The following DMD variants were observed in gnomAD, a reference collection of about 807,000 sequenced individuals.
DMD encodes mutant dystrophin.
In DMD, 63 loss-of-function variants were observed where a neutral mutation model predicts 330.1. That is an observed-to-expected ratio of 0.19 (90% CI 0.16 to 0.24). DMD has a LOEUF of 0.24. DMD is among the 10% of genes least tolerant of loss of function. DMD has a pLI of 1.00. For missense variants in DMD, 3,344 were observed against 2,684.1 expected, an observed-to-expected ratio of 1.25 and a Z score of -5.43; for synonymous variants, 1,223 against 959.8, an observed-to-expected ratio of 1.27 and a Z score of -5.07.
intron 55 of DMD, among the ~76,000 whole-genome samples, chrX:31,531,553 T>C (rs1428800372): frequency 1.1e-5 from 1 of 87,100 alleles, no homozygotes; most frequent in East Asian, 3.7e-4. Context: ...TTTGTTTGAG[T>C]TCATTGTAGA....
At position 31,329,582 on chromosome X, in the gene DMD, C is replaced by T. The variant is rs2056981012; in HGVS notation, c.9164-5924G>A. Among the ~76,000 whole-genome samples, 3 of 111,645 alleles carry T rather than the reference C, an allele frequency of 2.7e-5. No individual in the cohort carries two copies. The Admixed American group carries it at 2.8e-4, about 11-fold the overall frequency. On this transcript the variant is annotated intron_variant, in intron 61 of 78. Transcript: ENST00000357033. Reference sequence around the variant, plus strand: ...GTTATTCAATGAGTATAAAGTTTCACTTATGCAAGATGAGTAAGTTCTAGA... The same window carrying T: ...GTTATTCAATGAGTATAAAGTTTCATTTATGCAAGATGAGTAAGTTCTAGA...
At chrX:31,589,715 C>T (rs1433292437) in intron 55 of DMD, among the ~76,000 whole-genome samples, 1 of 111,159 alleles carries the variant, frequency 9.0e-6, no homozygotes, top group Non-Finnish European at 1.9e-5. Context: ...ATAGTACCGG[C>T]TATATTTGCC....
At chrX:33,001,492 C>T (rs7886739) in intron 2 of DMD, among the ~76,000 whole-genome samples, 18,155 of 111,039 alleles carry the variant, frequency 0.16, 2,065 homozygotes, top group African/African-American at 0.4. Context: ...GAAAAACACT[C>T]ATGAACCATC....
intron 7 of DMD, among the ~76,000 whole-genome samples, chrX:32,800,781 T>A (rs988719388): frequency 6.3e-5 from 7 of 110,743 alleles, no homozygotes; most frequent in Admixed American, 5.8e-4. Flanking sequence ...CTCCGATTTA[T>A]GAGTGAGAAC....
At position 31,843,317 on chromosome X, in the gene DMD, A is replaced by C. The variant is rs183791089; in HGVS notation, c.7099-6498T>G. Among the ~76,000 whole-genome samples, 227 of 111,986 alleles carry C rather than the reference A, an allele frequency of 2.0e-3. 1 individual carries two copies. The highest frequency in any genetic ancestry group is 6.4e-3 in the African/African-American group (197 of 30,897). ...ACTGCTTTCCACAGTGGGTGAACTAATGTACACTCCCACCAACAGCGTATA... is the reference window on the plus strand; with the variant it reads ...ACTGCTTTCCACAGTGGGTGAACTACTGTACACTCCCACCAACAGCGTATA... On this transcript the variant is annotated intron_variant, in intron 48 of 78. Coordinates refer to ENST00000357033, the MANE Select transcript of DMD (RefSeq NM_004006.3).
chrX:33,125,302 T>A (rs193087035), intron 1 of DMD, among the ~76,000 whole-genome samples: 79 of 111,144 alleles, frequency 7.1e-4, no homozygotes, highest in African/African-American at 2.4e-3. Flanking sequence ...TGATTATTGC[T>A]GAAGCATGTG....
At chrX:32,657,750 G>T (rs905652854) in intron 9 of DMD, among the ~76,000 whole-genome samples, 3 of 111,827 alleles carry the variant, frequency 2.7e-5, no homozygotes, top group African/African-American at 9.7e-5. Flanking sequence ...AAATAGGATA[G>T]TTACAAAATG....
intron 44 of DMD, among the ~76,000 whole-genome samples, chrX:31,971,992 T>A (rs775210559): frequency 2.2e-4 from 25 of 111,758 alleles, no homozygotes; most frequent in Admixed American, 2.9e-4. Flanking sequence ...AAGCATTCAT[T>A]CTTAATAAGA....
chrX:31,510,721 G>A (rs919639567), intron 55 of DMD, among the ~76,000 whole-genome samples: 10 of 109,685 alleles, frequency 9.1e-5, no homozygotes, highest in Non-Finnish European at 1.9e-4. Flanking sequence ...ATGTTAGCCA[G>A]GATGGTCTCG....
intron 7 of DMD, among the ~76,000 whole-genome samples, chrX:32,757,450 T>C (rs1033284358): frequency 9.0e-6 from 1 of 111,390 alleles, no homozygotes; most frequent in Non-Finnish European, 1.9e-5. Context: ...TCTGATATGG[T>C]TTGGTTGTTT....
At chrX:32,108,041 C>A (rs1010463588) in intron 44 of DMD, among the ~76,000 whole-genome samples, 8 of 111,421 alleles carry the variant, frequency 7.2e-5, no homozygotes, top group African/African-American at 2.0e-4. Flanking sequence ...TTCTCTACCC[C>A]CTGTCCCAAA....
rs185517610 is a variant in DMD, at chrX:32,903,385, G to A, written c.94-53565C>T. On this transcript the variant is annotated intron_variant, in intron 2 of 78. Coordinates refer to ENST00000357033, the MANE Select transcript of DMD (RefSeq NM_004006.3). Reference sequence around the variant, plus strand: ...GAAGAAGGGAATTACAGCAGAGGAGGCGAGGTAGAGGAAGGCAAAAACCAA... The same window carrying A: ...GAAGAAGGGAATTACAGCAGAGGAGACGAGGTAGAGGAAGGCAAAAACCAA... 2.7e-5 allele frequency among the ~76,000 whole-genome samples: 3 copies of A among 110,064 alleles called. No individual in the cohort carries two copies. In the Admixed American group the frequency reaches 2.9e-4, roughly 11 times the overall value.
At chrX:32,460,255 T>C (rs1240778506) in intron 25 of DMD, among the ~76,000 whole-genome samples, 1 of 110,735 alleles carries the variant, frequency 9.0e-6, no homozygotes, top group Non-Finnish European at 1.9e-5. Context: ...AAAAAGGAAC[T>C]ACACTACACT....
intron 7 of DMD, among the ~76,000 whole-genome samples, chrX:32,717,809 G>A (rs1195728674): frequency 1.8e-5 from 2 of 111,757 alleles, no homozygotes; most frequent in African/African-American, 3.3e-5. Flanking sequence ...TTGGGAGCCT[G>A]TCCCTTGCAT....
intron 55 of DMD, among the ~76,000 whole-genome samples, chrX:31,573,918 G>A (rs1210538406): frequency 9.0e-6 from 1 of 110,576 alleles, no homozygotes; most frequent in Non-Finnish European, 1.9e-5. Context: ...GCAGGGCACC[G>A]TACTAAGTGC....
rs185641291 is a variant in DMD, at chrX:32,173,561, C to T, written c.6438+43355G>A. Among the ~76,000 whole-genome samples, 174 of 109,915 alleles carry T rather than the reference C, an allele frequency of 1.6e-3. 2 individuals carry two copies. The highest frequency in any genetic ancestry group is 5.5e-3 in the African/African-American group (166 of 30,218). ...CTAATTTTTGTATTTTTAGTAGAGA[C>T]GGAGTTTCACCGTGTTAGCCAGGAT... On this transcript the variant is annotated intron_variant, in intron 44 of 78. Transcript: ENST00000357033.
At chrX:31,842,079 G>A (rs988182531) in intron 48 of DMD, among the ~76,000 whole-genome samples, 1 of 111,775 alleles carries the variant, frequency 8.9e-6, no homozygotes. Context: ...GAAAATTTGT[G>A]ATTCATAGAA....
chrX:33,111,711 A>T (rs933561405), intron 1 of DMD, among the ~76,000 whole-genome samples: 20 of 110,759 alleles, frequency 1.8e-4, no homozygotes, highest in Non-Finnish European at 2.8e-4. Flanking sequence ...GGTTCAAGGG[A>T]TTCTCCTGAC....
intron 62 of DMD, among the ~76,000 whole-genome samples, chrX:31,274,804 T>C (rs1250534400): frequency 8.9e-6 from 1 of 112,274 alleles, no homozygotes; most frequent in Non-Finnish European, 1.9e-5. Context: ...TGTATTTGCT[T>C]ATCATTTAAA....
Sources: gnomAD v4.1 joint callset for allele counts (sites outside exome capture counted in the v4.1 genomes callset) on GRCh38, gnomAD v4.1.1 for gene constraint, MANE v1.5 for transcripts, NCBI Gene and HGNC (gene_info 2026-07-23, HGNC 2026-07-21) for gene names.